ILRUN: variants seen among roughly 807,000 people sequenced by gnomAD.
ILRUN encodes inflammation and lipid regulator with UBA-like and NBR1-like domains, also known as protein ILRUN.
ILRUN carries 3 observed loss-of-function variants against 33.8 expected under a neutral mutation model. The observed-to-expected ratio is 0.09, with a 90% CI of 0.04 to 0.23. The LOEUF is 0.23. Ranked by LOEUF, ILRUN falls within the 10% of genes least tolerant of loss-of-function variation. The pLI, the probability that ILRUN is intolerant of heterozygous loss-of-function variation, is 1.00. For synonymous variants in ILRUN, 124 were observed against 138.9 expected (o/e 0.89, Z 0.75); for missense variants, 210 against 375.1 (o/e 0.56, Z 3.64).
intron 3 of ILRUN, among the ~76,000 whole-genome samples, chr6:34,624,956 T>G (rs1158094853): frequency 6.6e-6 from 1 of 152,194 alleles, no homozygotes; most frequent in African/African-American, 2.4e-5. Context: ...GAGGATGGGC[T>G]TTAGTTTCTG....
chr6:34,616,930 T>C, intron 3 of ILRUN: 1 of 589,618 alleles, frequency 1.7e-6, no homozygotes, highest in Non-Finnish European at 3.2e-6. Context: ...TAGAACCATA[T>C]ATTGCATAGG....
rs191045840 is a variant in ILRUN at position 34,661,192 on chromosome 6, G to T, written c.159-6413C>A. On this transcript the variant is annotated intron_variant, in intron 1 of 4. Coordinates refer to ENST00000374023, the MANE Select transcript of ILRUN (RefSeq NM_024294.4). ...AAAAAAGAAAGGAAGTGGTGGCATT[G>T]TTTTATTATTGTATTAGGTAATAGT... Among the ~76,000 whole-genome samples the T allele has an allele frequency of 1.1e-4, 16 of 152,242 alleles. 1 individual carries two copies. Among genetic ancestry groups the T allele is most frequent in the Admixed American group, 8.5e-4 (13 of 15,300 alleles).
At chr6:34,591,499 A>ATTTTT (rs545549009) in intron 4 of ILRUN, among the ~76,000 whole-genome samples, 1 of 139,428 alleles carries the variant, frequency 7.2e-6, no homozygotes, top group African/African-American at 2.7e-5. Context: ...TCCTGTCTCA[A>ATTTTT]TTTTTTTTTT....
At chr6:34,610,061 T>A (rs1582041388) in intron 3 of ILRUN, among the ~76,000 whole-genome samples, 1 of 150,594 alleles carries the variant, frequency 6.6e-6, no homozygotes, top group African/African-American at 2.5e-5. Flanking sequence ...CTCGAGAGGC[T>A]GAGGCAGGAG....
Position 34,683,250 on chromosome 6 carries a change from CCACT to C in ILRUN, c.158+13192_158+13195del, listed in dbSNP as rs992278961. Among the ~76,000 whole-genome samples the C allele has an allele frequency of 3.3e-4, 49 of 150,628 alleles. 1 individual carries two copies. The highest frequency in any genetic ancestry group is 2.1e-4 in the South Asian group (1 of 4,784). On this transcript the variant is annotated intron_variant, in intron 1 of 4. Coordinates refer to ENST00000374023, the MANE Select transcript of ILRUN (RefSeq NM_024294.4). ...GTACCTTGACAACTAAATTCAGTTC[CCACT>C]CAAACAATGGAGGTATAAGGGCCTT...
chr6:34,613,471 A>G (rs1761803724), intron 3 of ILRUN, among the ~76,000 whole-genome samples: 1 of 152,300 alleles, frequency 6.6e-6, no homozygotes, highest in Non-Finnish European at 1.5e-5. Flanking sequence ...TCTCCAGTAA[A>G]ATAAAATAGT....
At chr6:34,662,144 A>T in intron 1 of ILRUN, among the ~76,000 whole-genome samples, 1 of 134,650 alleles carries the variant, frequency 7.4e-6, no homozygotes, top group Non-Finnish European at 1.5e-5. Flanking sequence ...AAAAAAAAAA[A>T]AAAAAAAAAA....
In ILRUN at chr6:34,646,481, G is replaced by A. The variant is rs1762566135; in HGVS notation, c.511+120C>T. 7.4e-6 allele frequency: 6 copies of A among 815,184 alleles called. No homozygotes were observed. In the East Asian group the frequency reaches 1.5e-4, roughly 21 times the overall value. 50.5% of individuals were successfully genotyped at this position (815,184 alleles called of 1,614,324 possible). A position where few individuals can be genotyped will look rare whatever the true frequency, so the allele number is the denominator to read the frequency against. ...TGCAAATCATTTACCTGCATGAGGT[G>A]ACTGTTAAAAAGAGGCCATGCCCTG... On this transcript the variant is annotated intron_variant, in intron 3 of 4. Coordinates refer to ENST00000374023, the MANE Select transcript of ILRUN (RefSeq NM_024294.4). This position sits in a 1 kb window ranked among gnomAD's most constrained non-coding sequence, Gnocchi z 4.9.
chr6:34,682,268 T>TGTTTTGTTTTG (rs1449803678), intron 1 of ILRUN, among the ~76,000 whole-genome samples: 6,346 of 140,310 alleles, frequency 0.045, 281 homozygotes, highest in Middle Eastern at 0.08. Context: ...TTTTTTTTTT[T>TGTTTTGTTTTG]TTTTTTTTTG....
At chr6:34,694,336 A>G (rs1307717221) in intron 1 of ILRUN, among the ~76,000 whole-genome samples, 1 of 152,230 alleles carries the variant, frequency 6.6e-6, no homozygotes, top group Non-Finnish European at 1.5e-5. Flanking sequence ...GGGAGAAATA[A>G]TGATCCTCTC....
At chr6:34,619,632 G>A (rs1349992904) in intron 3 of ILRUN, among the ~76,000 whole-genome samples, 1 of 152,170 alleles carries the variant, frequency 6.6e-6, no homozygotes, top group East Asian at 1.9e-4. Context: ...GGGGAAGACA[G>A]GCATGAGCCA....
chr6:34,628,936 G>A (rs902932412), intron 3 of ILRUN, among the ~76,000 whole-genome samples: 3 of 151,968 alleles, frequency 2.0e-5, no homozygotes, highest in Non-Finnish European at 2.9e-5. Flanking sequence ...ACAATATGGC[G>A]GAATGCTGTC....
At chr6:34,682,264 T>TGTTTTG (rs748514396) in intron 1 of ILRUN, among the ~76,000 whole-genome samples, 4 of 137,800 alleles carry the variant, frequency 2.9e-5, no homozygotes, top group South Asian at 2.4e-4. Flanking sequence ...TTTTTTTTTT[T>TGTTTTG]TTTTTTTTTT....
intron 3 of ILRUN, among the ~76,000 whole-genome samples, chr6:34,627,143 T>C (rs907526330): frequency 3.3e-5 from 5 of 152,196 alleles, no homozygotes; most frequent in Admixed American, 6.5e-5. Flanking sequence ...CAAAATGTCA[T>C]AGAGTTGGAA....
chr6:34,678,099 G>A (rs1441773967), intron 1 of ILRUN, among the ~76,000 whole-genome samples: 1 of 152,130 alleles, frequency 6.6e-6, no homozygotes, highest in African/African-American at 2.4e-5. Flanking sequence ...CTGAAGTGCA[G>A]TGGTGCAATC....
intron 1 of ILRUN, among the ~76,000 whole-genome samples, chr6:34,680,765 A>T (rs1053419800): frequency 6.0e-5 from 9 of 150,688 alleles, no homozygotes; most frequent in Non-Finnish European, 1.0e-4. Context: ...ATTTTTTTCT[A>T]TTTTTTTTAA....
chr6:34,603,527 C>T (rs1463185062), intron 4 of ILRUN, among the ~76,000 whole-genome samples: 3 of 151,898 alleles, frequency 2.0e-5, no homozygotes, highest in East Asian at 1.9e-4. Flanking sequence ...CCCAGCTACC[C>T]GGGAGGCTGA....
intron 4 of ILRUN, among the ~76,000 whole-genome samples, chr6:34,596,221 G>C (rs1761396480): frequency 6.6e-6 from 1 of 152,218 alleles, no homozygotes; most frequent in African/African-American, 2.4e-5. Flanking sequence ...CGGGAGGCTT[G>C]CTGGTGGCAC....
At chr6:34,609,539 C>T (rs903082180) in intron 3 of ILRUN, among the ~76,000 whole-genome samples, 1 of 151,670 alleles carries the variant, frequency 6.6e-6, no homozygotes, top group African/African-American at 2.4e-5. Context: ...ACCATAAAAA[C>T]TTAGAGGTTT....
Sources: allele counts gnomAD v4.1 joint callset (sites outside exome capture counted in the v4.1 genomes callset), GRCh38; gene constraint gnomAD v4.1.1; non-coding constraint Gnocchi (gnomAD v3.1); transcripts MANE v1.5; gene names NCBI Gene and HGNC (gene_info 2026-07-23, HGNC 2026-07-21).